RUNX1: variants seen among roughly 807,000 people sequenced by gnomAD.
RUNX1 encodes RUNX family transcription factor 1, also known as runt-related transcription factor 1.
A neutral mutation model predicts 42.8 loss-of-function variants in RUNX1; 19 were observed. The observed-to-expected ratio is 0.44, with a 90% CI of 0.31 to 0.65. RUNX1 has a LOEUF of 0.65. Among genes scored for constraint, RUNX1 ranks in the 30% least tolerant of loss-of-function variants. The pLI, the probability that RUNX1 is intolerant of heterozygous loss-of-function variation, is 0.07. For synonymous variants in RUNX1, 271 were observed against 289.4 expected (o/e 0.94, Z 0.64); for missense variants, 528 against 672.0 (o/e 0.79, Z 2.37).
chr21:34,916,114 T>A (rs1031362810), intron 2 of RUNX1, among the ~76,000 whole-genome samples: 2 of 152,192 alleles, frequency 1.3e-5, no homozygotes, highest in African/African-American at 4.8e-5. Flanking sequence ...AAGATTTTGC[T>A]GAAGTCACTG....
chr21:34,918,800 G>A (rs1026554720), intron 2 of RUNX1, among the ~76,000 whole-genome samples: 11 of 152,150 alleles, frequency 7.2e-5, no homozygotes, highest in Admixed American at 5.9e-4. Flanking sequence ...CAGCTACTGG[G>A]GAGGCTGAGG....
At chr21:34,948,702 C>T (rs2058583839) in intron 2 of RUNX1, among the ~76,000 whole-genome samples, 6 of 152,306 alleles carry the variant, frequency 3.9e-5, no homozygotes, top group Middle Eastern at 3.4e-3. Flanking sequence ...TACAGCCCAT[C>T]TCCAGGGTGC....
chr21:34,872,104 A>T (rs948216124), intron 5 of RUNX1, among the ~76,000 whole-genome samples: 1 of 152,124 alleles, frequency 6.6e-6, no homozygotes, highest in Non-Finnish European at 1.5e-5. Context: ...TTGGCCTCCT[A>T]AAGTGCTGGG....
At chr21:34,798,377 C>T (rs1005310776) in intron 8 of RUNX1, among the ~76,000 whole-genome samples, 13 of 152,180 alleles carry the variant, frequency 8.5e-5, no homozygotes, top group African/African-American at 1.9e-4. Flanking sequence ...TCCCTGCCCA[C>T]GAGCAAAGGT....
At chr21:34,793,512 G>GA (rs898585934) in intron 8 of RUNX1, among the ~76,000 whole-genome samples, 9 of 149,568 alleles carry the variant, frequency 6.0e-5, no homozygotes, top group African/African-American at 1.5e-4. Flanking sequence ...TTAAATGGTT[G>GA]AAAAAAAAAT....
At chr21:34,950,790 T>C (rs937028667) in intron 2 of RUNX1, among the ~76,000 whole-genome samples, 3 of 152,182 alleles carry the variant, frequency 2.0e-5, no homozygotes, top group African/African-American at 4.8e-5. Context: ...AGAGAGGATA[T>C]GTGGTAGGCA....
intron 2 of RUNX1, among the ~76,000 whole-genome samples, chr21:35,029,836 G>A (rs2059261074): frequency 6.6e-6 from 1 of 152,160 alleles, no homozygotes; most frequent in South Asian, 2.1e-4. Context: ...CTACAACCAC[G>A]ATCCTGGTAA....
intron 2 of RUNX1, among the ~76,000 whole-genome samples, chr21:34,947,285 C>G (rs557797237): frequency 3.3e-5 from 5 of 152,084 alleles, no homozygotes; most frequent in Admixed American, 6.5e-5. Context: ...TTTTTGGCTA[C>G]CATTACTCTC....
chr21:34,924,499 G>A (rs1304249154), intron 2 of RUNX1, among the ~76,000 whole-genome samples: 1 of 152,188 alleles, frequency 6.6e-6, no homozygotes, highest in Non-Finnish European at 1.5e-5. Flanking sequence ...TGTTGGTGAT[G>A]AGAAGAGGAG....
chr21:35,037,781 G>T (rs764021269), intron 2 of RUNX1, among the ~76,000 whole-genome samples: 1 of 152,182 alleles, frequency 6.6e-6, no homozygotes, highest in African/African-American at 2.4e-5. Flanking sequence ...TGCTTGGAAC[G>T]GTGCAAGTGC....
intron 7 of RUNX1, among the ~76,000 whole-genome samples, chr21:34,825,053 C>G (rs1431934415): frequency 6.6e-6 from 1 of 152,200 alleles, no homozygotes; most frequent in Non-Finnish European, 1.5e-5. Context: ...ATTTGAAAGA[C>G]TATCTTCAGG....
intron 6 of RUNX1, among the ~76,000 whole-genome samples, chr21:34,839,220 AACAC>A (rs1033055943): frequency 1.2e-4 from 18 of 152,018 alleles, no homozygotes; most frequent in Admixed American, 5.2e-4. Context: ...CAGGTCTGAA[AACAC>A]ACACACTCTC....
intron 2 of RUNX1, among the ~76,000 whole-genome samples, chr21:34,916,004 T>C (rs2058309286): frequency 6.6e-6 from 1 of 152,090 alleles, no homozygotes; most frequent in Non-Finnish European, 1.5e-5. Flanking sequence ...TGAAAGTTAT[T>C]TGGGTTAAGA....
At chr21:34,885,353 C>CCATT (rs1185976702) in intron 4 of RUNX1, among the ~76,000 whole-genome samples, 1 of 152,076 alleles carries the variant, frequency 6.6e-6, no homozygotes, top group Non-Finnish European at 1.5e-5. Flanking sequence ...TCCATTTAGG[C>CCATT]AAAGGGTTAG....
rs1399987820 is a variant in RUNX1 at position 34,928,047 on chromosome 21, G to A, written c.59-35084C>T. 3.3e-5 allele frequency among the ~76,000 whole-genome samples: 5 copies of A among 152,218 alleles called. No homozygotes were observed. The South Asian group carries it at 1.0e-3, about 32-fold the overall frequency. On this transcript the variant is annotated intron_variant, in intron 2 of 8. Coordinates refer to ENST00000675419, the MANE Select transcript of RUNX1 (RefSeq NM_001754.5). ...GTTCTCCAAGTAACTTCAATAAGCG[G>A]CCAGAATTAGTCATCACTATGGAGT...
chr21:34,828,823 T>A (rs369913000), intron 7 of RUNX1, among the ~76,000 whole-genome samples: 1 of 152,258 alleles, frequency 6.6e-6, no homozygotes, highest in African/African-American at 2.4e-5. Context: ...TCTCAGCAGA[T>A]GATGGCACCT....
Position 34,905,909 on chromosome 21 carries a change from G to C in RUNX1, c.59-12946C>G, listed in dbSNP as rs535361485. Among the ~76,000 whole-genome samples the C allele has an allele frequency of 2.3e-4, 35 of 152,162 alleles. No individual in the cohort carries two copies. The South Asian group carries it at 6.9e-3, about 30-fold the overall frequency. ...AGAAAAAAAGCATCCTCTCTTTACT[G>C]ATCTTTAAAAATTTTAAATGTTGAA... On this transcript the variant is annotated intron_variant, in intron 2 of 8. Transcript: ENST00000675419.
chr21:34,814,343 A>G (rs1277900363), intron 7 of RUNX1, among the ~76,000 whole-genome samples: 1 of 152,174 alleles, frequency 6.6e-6, no homozygotes, highest in Non-Finnish European at 1.5e-5. Context: ...GAAGGCTTTC[A>G]GGGACAAGCA....
intron 6 of RUNX1, among the ~76,000 whole-genome samples, chr21:34,846,380 C>T (rs1394983689): frequency 2.0e-5 from 3 of 151,590 alleles, no homozygotes; most frequent in East Asian, 3.9e-4. Context: ...CAGTCACAAT[C>T]TTTGTCTTCC....
Sources: gnomAD v4.1 joint callset for allele counts (sites outside exome capture counted in the v4.1 genomes callset) on GRCh38, gnomAD v4.1.1 for gene constraint, MANE v1.5 for transcripts, NCBI Gene and HGNC (gene_info 2026-07-23, HGNC 2026-07-21) for gene names.